Variants in SLC9A9 observed in about 807,000 individuals in gnomAD.
The protein encoded by SLC9A9 is sodium/hydrogen exchanger 9.
SLC9A9 carries 62 observed loss-of-function variants against 77.8 expected under a neutral mutation model. The ratio of observed to expected loss-of-function variants is 0.80; its 90% confidence interval spans 0.65 to 0.98. The LOEUF (loss-of-function observed/expected upper bound fraction) is 0.98, where lower values mean the gene tolerates loss of function less well. Among genes scored for constraint, SLC9A9 ranks in the 50% least tolerant of loss-of-function variants. SLC9A9 has a pLI of 0.00. For synonymous variants in SLC9A9, 320 were observed against 283.5 expected (o/e 1.13, Z -1.29); for missense variants, 775 against 774.9 (o/e 1.00, Z 0.00).
chr3:143,806,991 A>G (rs1331358541), intron 2 of SLC9A9, among the ~76,000 whole-genome samples: 1 of 152,224 alleles, frequency 6.6e-6, no homozygotes, highest in Non-Finnish European at 1.5e-5. Flanking sequence ...CTGTTTGGGC[A>G]TTGTCAGAAC....
intron 12 of SLC9A9, among the ~76,000 whole-genome samples, chr3:143,419,318 T>A (rs1343693801): frequency 6.6e-6 from 1 of 152,154 alleles, no homozygotes; most frequent in Non-Finnish European, 1.5e-5. Flanking sequence ...ACAGAGAGCT[T>A]AAGTAACTTG....
intron 6 of SLC9A9, among the ~76,000 whole-genome samples, chr3:143,644,220 A>T (rs966601068): frequency 6.6e-6 from 1 of 152,234 alleles, no homozygotes; most frequent in Non-Finnish European, 1.5e-5. Context: ...TTGGGTTTCT[A>T]TCACTTTCAT....
intron 10 of SLC9A9, among the ~76,000 whole-genome samples, chr3:143,494,482 A>G (rs2035800869): frequency 6.6e-6 from 1 of 152,216 alleles, no homozygotes; most frequent in African/African-American, 2.4e-5. Context: ...TTTAGGGTTC[A>G]GCTGAATGCT....
At chr3:143,425,930 C>A (rs2034396472) in intron 12 of SLC9A9, among the ~76,000 whole-genome samples, 1 of 151,582 alleles carries the variant, frequency 6.6e-6, no homozygotes, top group South Asian at 2.1e-4. Flanking sequence ...GGGATCAATC[C>A]TTCTTGACTA....
intron 5 of SLC9A9, among the ~76,000 whole-genome samples, chr3:143,653,695 G>A (rs978932525): frequency 2.6e-5 from 4 of 152,106 alleles, no homozygotes; most frequent in African/African-American, 4.8e-5. Flanking sequence ...GAAGAGCAGA[G>A]GGCAGAATGG....
At chr3:143,399,233 A>C (rs1220187488) in intron 12 of SLC9A9, among the ~76,000 whole-genome samples, 1 of 152,226 alleles carries the variant, frequency 6.6e-6, no homozygotes, top group Non-Finnish European at 1.5e-5. Context: ...CTGCTACTGC[A>C]TGACACATAA....
chr3:143,672,561 TGA>T (rs2039175650), intron 5 of SLC9A9, among the ~76,000 whole-genome samples: 1 of 152,190 alleles, frequency 6.6e-6, no homozygotes, highest in South Asian at 2.1e-4. Context: ...ATGAAAAATA[TGA>T]GAGACAGCCC....
intron 9 of SLC9A9, among the ~76,000 whole-genome samples, chr3:143,540,596 G>C (rs1396037792): frequency 6.6e-6 from 1 of 152,124 alleles, no homozygotes; most frequent in East Asian, 1.9e-4. Flanking sequence ...AAATGATCAG[G>C]ATCACGTGTA....
intron 9 of SLC9A9, among the ~76,000 whole-genome samples, chr3:143,510,992 T>G (rs1401906082): frequency 6.6e-6 from 1 of 152,202 alleles, no homozygotes; most frequent in Non-Finnish European, 1.5e-5. Flanking sequence ...CCTTTAAATC[T>G]TTAGAATGAA....
At chr3:143,725,803 G>A (rs561892900) in intron 4 of SLC9A9, among the ~76,000 whole-genome samples, 10 of 150,514 alleles carry the variant, frequency 6.6e-5, no homozygotes, top group Middle Eastern at 3.4e-3. Flanking sequence ...AAGTTAATGG[G>A]TGCAGCACAC....
intron 14 of SLC9A9, among the ~76,000 whole-genome samples, chr3:143,319,234 A>C (rs917814794): frequency 1.3e-5 from 2 of 152,126 alleles, no homozygotes; most frequent in African/African-American, 4.8e-5. Context: ...AGCCAAAAAG[A>C]CTATGGTCCT....
chr3:143,707,261 C>A (rs1934007782), intron 4 of SLC9A9, among the ~76,000 whole-genome samples: 1 of 151,958 alleles, frequency 6.6e-6, no homozygotes, highest in Admixed American at 6.6e-5. Context: ...TTTAAGAAGA[C>A]TATGGTATGA....
At chr3:143,439,144 T>G (rs2108542942) in intron 12 of SLC9A9, among the ~76,000 whole-genome samples, 1 of 152,338 alleles carries the variant, frequency 6.6e-6, no homozygotes, top group East Asian at 1.9e-4. Context: ...AGGCACTTAT[T>G]GCTTGCTAGG....
At chr3:143,361,374 G>T (rs2032748739) in intron 14 of SLC9A9, among the ~76,000 whole-genome samples, 1 of 152,134 alleles carries the variant, frequency 6.6e-6, no homozygotes, top group African/African-American at 2.4e-5. Context: ...CTCAGGATGA[G>T]GGGCTAATCT....
At chr3:143,458,701 C>A (rs1331882213) in intron 12 of SLC9A9, among the ~76,000 whole-genome samples, 1 of 152,008 alleles carries the variant, frequency 6.6e-6, no homozygotes, top group Non-Finnish European at 1.5e-5. Flanking sequence ...GAAAACTTAC[C>A]ACTTACAGGT....
At chr3:143,666,600 T>A (rs907851164) in intron 5 of SLC9A9, among the ~76,000 whole-genome samples, 7 of 151,832 alleles carry the variant, frequency 4.6e-5, no homozygotes, top group Non-Finnish European at 1.0e-4. Flanking sequence ...AGTCTCAGCA[T>A]AAAATCTCCT....
intron 6 of SLC9A9, among the ~76,000 whole-genome samples, chr3:143,604,317 G>A (rs1291368822): frequency 1.3e-5 from 2 of 152,174 alleles, no homozygotes; most frequent in South Asian, 2.1e-4. Context: ...AGCAGGGTGC[G>A]AAGCTCTGGA....
chr3:143,655,280 C>T (rs555222990), intron 5 of SLC9A9, among the ~76,000 whole-genome samples: 2 of 152,316 alleles, frequency 1.3e-5, no homozygotes, highest in South Asian at 4.1e-4. Flanking sequence ...TGTGGACATG[C>T]ACATACCAGC....
At chr3:143,642,176 C>T (rs1313826338) in intron 6 of SLC9A9, among the ~76,000 whole-genome samples, 1 of 152,200 alleles carries the variant, frequency 6.6e-6, no homozygotes, top group African/African-American at 2.4e-5. Flanking sequence ...ATACTTTGAA[C>T]CTATTATTCC....
Sources: allele counts gnomAD v4.1 joint callset (sites outside exome capture counted in the v4.1 genomes callset), GRCh38; gene constraint gnomAD v4.1.1; transcripts MANE v1.5; gene names NCBI Gene and HGNC (gene_info 2026-07-23, HGNC 2026-07-21).